KCTD8: variants seen among roughly 807,000 people sequenced by gnomAD.
KCTD8 encodes the protein potassium channel tetramerization domain containing 8, also known as BTB/POZ domain-containing protein KCTD8.
KCTD8 carries 27 observed loss-of-function variants against 31.5 expected under a neutral mutation model. The ratio of observed to expected loss-of-function variants is 0.86; its 90% CI spans 0.63 to 1.18. The LOEUF is 1.18. KCTD8 is among the 50% of genes most tolerant of loss of function. The probability of loss-of-function intolerance (pLI) is 0.00; values close to 1 mark genes in which losing one functional copy is unlikely to be tolerated. For missense variants in KCTD8, 658 were observed against 647.7 expected (o/e 1.02, Z -0.17); for synonymous variants, 290 against 280.0 (o/e 1.04, Z -0.36).
intron 1 of KCTD8, among the ~76,000 whole-genome samples, chr4:44,256,349 T>C (rs932882353): frequency 4.6e-5 from 7 of 151,898 alleles, no homozygotes; most frequent in Non-Finnish European, 8.8e-5. Context: ...TTCATGCATA[T>C]GACAAAGAAT....
chr4:44,272,365 T>C (rs1016606975), intron 1 of KCTD8, among the ~76,000 whole-genome samples: 8 of 151,780 alleles, frequency 5.3e-5, no homozygotes, highest in African/African-American at 1.7e-4. Context: ...TTCTACTGTA[T>C]ATATTATGGA....
chr4:44,421,350 T>C (rs1245289568), intron 1 of KCTD8, among the ~76,000 whole-genome samples: 3 of 152,134 alleles, frequency 2.0e-5, no homozygotes, highest in African/African-American at 7.2e-5. Flanking sequence ...GATGACCACA[T>C]GACCTCATAC....
chr4:44,430,679 C>T (rs1721481359), intron 1 of KCTD8, among the ~76,000 whole-genome samples: 1 of 151,578 alleles, frequency 6.6e-6, no homozygotes, highest in Non-Finnish European at 1.5e-5. Context: ...TTGAAGACAA[C>T]AGTTGTAAAA....
At chr4:44,175,701 A>G (rs1277128687) in intron 1 of KCTD8, among the ~76,000 whole-genome samples, 1 of 152,216 alleles carries the variant, frequency 6.6e-6, no homozygotes, top group East Asian at 1.9e-4. Flanking sequence ...AAAGCAAGAA[A>G]GTACCATTGA....
intron 1 of KCTD8, among the ~76,000 whole-genome samples, chr4:44,411,491 C>T (rs1363036238): frequency 3.1e-4 from 47 of 151,222 alleles, no homozygotes; most frequent in Admixed American, 3.1e-3. Flanking sequence ...GAACATAATG[C>T]CAAAAATCAC....
At chr4:44,313,691 A>T (rs961080988) in intron 1 of KCTD8, among the ~76,000 whole-genome samples, 27 of 152,346 alleles carry the variant, frequency 1.8e-4, no homozygotes, top group African/African-American at 6.5e-4. Flanking sequence ...ACAGTTTACC[A>T]GGCACTAGCT....
intron 1 of KCTD8, among the ~76,000 whole-genome samples, chr4:44,321,662 T>C (rs1718299035): frequency 6.6e-6 from 1 of 152,180 alleles, no homozygotes; most frequent in African/African-American, 2.4e-5. Flanking sequence ...TTGTTAAGTA[T>C]AATTCCCCTA....
chr4:44,328,928 G>A (rs1442199643), intron 1 of KCTD8, among the ~76,000 whole-genome samples: 1 of 151,872 alleles, frequency 6.6e-6, no homozygotes. Context: ...CCATTCGGTA[G>A]ACACTTAGGT....
At chr4:44,241,363 T>C (rs994816236) in intron 1 of KCTD8, among the ~76,000 whole-genome samples, 10 of 152,246 alleles carry the variant, frequency 6.6e-5, no homozygotes, top group Non-Finnish European at 1.0e-4. Flanking sequence ...GAAAATAACT[T>C]GGTGGTTAGG....
intron 1 of KCTD8, among the ~76,000 whole-genome samples, chr4:44,284,375 G>A (rs1183930906): frequency 1.3e-5 from 2 of 152,184 alleles, no homozygotes; most frequent in Non-Finnish European, 2.9e-5. Context: ...ATGGGGAAAA[G>A]ATTCCCTATT....
At chr4:44,309,695 G>C (rs1266311743) in intron 1 of KCTD8, among the ~76,000 whole-genome samples, 1 of 152,052 alleles carries the variant, frequency 6.6e-6, no homozygotes, top group African/African-American at 2.4e-5. Context: ...ATTAGAGAGA[G>C]AGCACTCATT....
At chr4:44,358,567 C>CT (rs113573085) in intron 1 of KCTD8, among the ~76,000 whole-genome samples, 52,984 of 147,476 alleles carry the variant, frequency 0.36, 10,226 homozygotes, top group Non-Finnish European at 0.45. Context: ...TGTTTCCTGA[C>CT]TTTTTTTTTT....
intron 1 of KCTD8, among the ~76,000 whole-genome samples, chr4:44,267,339 A>C (rs533606278): frequency 1.3e-5 from 2 of 152,328 alleles, no homozygotes; most frequent in African/African-American, 4.8e-5. Context: ...ATGTTCTTTG[A>C]AACCAATGAG....
chr4:44,368,870 A>C (rs1276552646), intron 1 of KCTD8, among the ~76,000 whole-genome samples: 1 of 152,164 alleles, frequency 6.6e-6, no homozygotes, highest in African/African-American at 2.4e-5. Context: ...CTTTCTAGAA[A>C]TCTTACCTTT....
intron 1 of KCTD8, among the ~76,000 whole-genome samples, chr4:44,186,180 G>C (rs558511869): frequency 6.6e-6 from 1 of 152,204 alleles, no homozygotes; most frequent in Non-Finnish European, 1.5e-5. Context: ...CAGGTGGCGA[G>C]GAGCGAAAGA....
At chr4:44,256,455 G>A (rs1715997689) in intron 1 of KCTD8, among the ~76,000 whole-genome samples, 1 of 151,838 alleles carries the variant, frequency 6.6e-6, no homozygotes, top group Non-Finnish European at 1.5e-5. Flanking sequence ...CGAGAAAAAA[G>A]ATATCCAAAT....
At chr4:44,346,694 AGAAGT>A (rs1719046161) in intron 1 of KCTD8, among the ~76,000 whole-genome samples, 1 of 152,192 alleles carries the variant, frequency 6.6e-6, no homozygotes, top group Admixed American at 6.6e-5. Context: ...TAGTACAAAG[AGAAGT>A]GTCATGGTGA....
rs1396456034 is a variant in KCTD8, at chr4:44,224,297, T to C, written c.962-49047A>G. Among the ~76,000 whole-genome samples, 3 of 152,184 alleles carry C rather than the reference T, an allele frequency of 2.0e-5. No individual in the cohort carries two copies. The East Asian group carries it at 5.8e-4, about 29-fold the overall frequency. ...ATTTCAAGTTACACCTCAGCAGAAG[T>C]GCTCTATCAAACTGACCTCCTCTTT... On this transcript the variant is annotated intron_variant, in intron 1 of 1. Transcript: ENST00000360029.
At chr4:44,303,204 G>T (rs897715335) in intron 1 of KCTD8, among the ~76,000 whole-genome samples, 6 of 152,114 alleles carry the variant, frequency 3.9e-5, no homozygotes, top group Admixed American at 6.5e-5. Context: ...TCTCTGCCCA[G>T]CTTTGGAATC....
Sources: allele counts gnomAD v4.1 joint callset (sites outside exome capture counted in the v4.1 genomes callset), GRCh38; gene constraint gnomAD v4.1.1; transcripts MANE v1.5; gene names NCBI Gene and HGNC (gene_info 2026-07-23, HGNC 2026-07-21).